FREM2: variants seen among roughly 807,000 people sequenced by gnomAD.
FREM2 encodes FRAS1 related extracellular matrix 2.
FREM2 carries 119 observed loss-of-function variants against 219.9 expected under a neutral mutation model. The observed-to-expected ratio is 0.54, with a 90% confidence interval of 0.47 to 0.63. The LOEUF (loss-of-function observed/expected upper bound fraction) is 0.63. Ranked by LOEUF, FREM2 falls within the 30% of genes least tolerant of loss-of-function variation. The probability of loss-of-function intolerance (pLI) is 0.00; values close to 1 mark genes in which losing one functional copy is unlikely to be tolerated. For missense variants in FREM2, 4,030 were observed against 3,993.6 expected (o/e 1.01, Z -0.25); for synonymous variants, 1,562 against 1,522.8 (o/e 1.03, Z -0.60).
chr13:38,837,575 A>C (rs1876762167), intron 6 of FREM2, among the ~76,000 whole-genome samples: 1 of 152,162 alleles, frequency 6.6e-6, no homozygotes, highest in Non-Finnish European at 1.5e-5. Flanking sequence ...TGGGAGTCTA[A>C]GTCTCTTTGT....
chr13:38,747,353 AT>A (rs1872525117), intron 2 of FREM2, among the ~76,000 whole-genome samples: 1 of 151,000 alleles, frequency 6.6e-6, no homozygotes, highest in Admixed American at 6.6e-5. Context: ...TCTCATAAAA[AT>A]TTTCAATTTG....
At chr13:38,735,951 C>T (rs772405814) in intron 2 of FREM2, among the ~76,000 whole-genome samples, 2 of 152,132 alleles carry the variant, frequency 1.3e-5, no homozygotes, top group Non-Finnish European at 2.9e-5. Flanking sequence ...CTGACATCCC[C>T]ATGTCTTTAG....
intron 2 of FREM2, among the ~76,000 whole-genome samples, chr13:38,713,389 C>T (rs369795287): frequency 2.3e-4 from 35 of 152,188 alleles, no homozygotes; most frequent in African/African-American, 8.2e-4. Context: ...CTATATGGCA[C>T]AAGAATGTGA....
intron 2 of FREM2, among the ~76,000 whole-genome samples, chr13:38,744,986 T>A (rs970796297): frequency 2.0e-5 from 3 of 152,330 alleles, no homozygotes; most frequent in Non-Finnish European, 4.4e-5. Flanking sequence ...ATCACCTGTT[T>A]TGCACTAGAA....
At chr13:38,744,402 C>G (rs1375435963) in intron 2 of FREM2, among the ~76,000 whole-genome samples, 1 of 151,368 alleles carries the variant, frequency 6.6e-6, no homozygotes, top group Non-Finnish European at 1.5e-5. Context: ...TGGTGTCTCA[C>G]TATGTTGACC....
In FREM2 at chr13:38,851,368, C is replaced by T. The variant is rs35944548; in HGVS notation, c.6742+260C>T. 0.11 allele frequency among the ~76,000 whole-genome samples: 16,212 copies of T among 152,260 alleles called. 1,103 individuals carry two copies. The highest frequency in any genetic ancestry group is 0.2 in the Admixed American group (3,081 of 15,286). ...CCATACTGGCCCTCTACTCTATACACACCCTTGGGTACAGGGGGACCAACA... is the reference window on the plus strand; with the variant it reads ...CCATACTGGCCCTCTACTCTATACATACCCTTGGGTACAGGGGGACCAACA... On this transcript the variant is annotated intron_variant, in intron 10 of 23. Coordinates refer to ENST00000280481, the MANE Select transcript of FREM2 (RefSeq NM_207361.6).
At chr13:38,841,245 G>T (rs535915479) in intron 6 of FREM2, among the ~76,000 whole-genome samples, 1 of 152,298 alleles carries the variant, frequency 6.6e-6, no homozygotes, top group African/African-American at 2.4e-5. Context: ...ACGCTGAAAT[G>T]AGCTAAAATA....
In FREM2 at chr13:38,687,512, G is replaced by T; in HGVS notation, c.168G>T (p.Leu56=). The stretch of plus-strand genomic sequence containing the variant: ...CCGCTGCCTTCGGCAGGGCGTTGCT[G>T]TCCCCTGGTCTCGCGGGGGCTGCAG... The part of the protein sequence containing the change: ...AQPAAFGRAL[L]SPGLAGAAGV... Residue 56 remains leucine, a synonymous_variant, in exon 1 of 24, where the codon CTG becomes CTT. Transcript: ENST00000280481. The T allele has an allele frequency of 6.3e-7, 1 of 1,596,972 alleles. No individual in the cohort carries two copies. The highest frequency in any genetic ancestry group is 1.1e-5 in the South Asian group (1 of 88,506).
rs1566102201 is a variant in FREM2, at chr13:38,688,096, C to A, written c.752C>A (p.Thr251Asn). 6.2e-7 allele frequency: 1 copy of A among 1,610,754 alleles called. No individual in the cohort carries two copies. The highest frequency in any genetic ancestry group is 8.5e-7 in the Non-Finnish European group (1 of 1,177,566). ...GGAREGGAPE[T>N]LLMDCKAFQE... ...GCCAGAGAGGGAGGCGCCCCGGAGA[C>A]TCTCCTGATGGACTGCAAAGCTTTC... The change falls in exon 1 of 24, where the codon ACT (threonine) becomes AAT (asparagine). Residue 251 changes from threonine (T) to asparagine (N), a missense_variant. Around this residue, in one of 2 missense-constraint regions of FREM2, gnomAD observed 3,102 missense variants for 2,950.7 expected, o/e 1.05. Coordinates refer to ENST00000280481, the MANE Select transcript of FREM2 (RefSeq NM_207361.6).
At chr13:38,774,902 T>C (rs188165654) in intron 4 of FREM2, among the ~76,000 whole-genome samples, 1 of 152,210 alleles carries the variant, frequency 6.6e-6, no homozygotes, top group Non-Finnish European at 1.5e-5. Context: ...CAACTTCTGA[T>C]AGAAACTGAG....
At chr13:38,878,369 C>A in intron 22 of FREM2, 48 bp downstream of exon 22, 1 of 1,378,684 alleles carries the variant, frequency 7.3e-7, no homozygotes, top group South Asian at 1.2e-5. Context: ...TTTCAAAGTT[C>A]AGCCTCCTTG....
intron 2 of FREM2, among the ~76,000 whole-genome samples, chr13:38,716,073 G>A (rs1323301095): frequency 9.2e-5 from 14 of 152,118 alleles, no homozygotes; most frequent in Non-Finnish European, 2.9e-5. Flanking sequence ...AATAGTTAAA[G>A]GGAACACTAG....
At chr13:38,831,091 G>T (rs889575147) in intron 6 of FREM2, among the ~76,000 whole-genome samples, 4 of 152,106 alleles carry the variant, frequency 2.6e-5, no homozygotes, top group Admixed American at 2.0e-4. Flanking sequence ...ACTGTAAATT[G>T]CACCTCACTG....
At chr13:38,762,445 C>CAT (rs1555265800) in intron 2 of FREM2, among the ~76,000 whole-genome samples, 3 of 149,088 alleles carry the variant, frequency 2.0e-5, no homozygotes, top group Non-Finnish European at 4.5e-5. Flanking sequence ...GCTCTCCAAT[C>CAT]TTTTTTTTTT....
intron 6 of FREM2, among the ~76,000 whole-genome samples, chr13:38,820,687 G>C (rs1876008551): frequency 6.6e-6 from 1 of 152,012 alleles, no homozygotes; most frequent in East Asian, 1.9e-4. Flanking sequence ...GAGAGGTCTG[G>C]CATATCTTTT....
chr13:38,726,749 A>G (rs540374299), intron 2 of FREM2, among the ~76,000 whole-genome samples: 15 of 152,280 alleles, frequency 9.9e-5, no homozygotes, highest in African/African-American at 3.6e-4. Context: ...TGTCTTCCCA[A>G]CCCGGTCCTG....
chr13:38,768,241 C>T (rs1873518739), intron 3 of FREM2, among the ~76,000 whole-genome samples: 1 of 152,128 alleles, frequency 6.6e-6, no homozygotes, highest in African/African-American at 2.4e-5. Context: ...AAATCTATCA[C>T]AAGACTTTAT....
chr13:38,872,684 A>G, intron 16 of FREM2, 58 bp from the exon 17 acceptor site: 1 of 1,461,014 alleles, frequency 6.8e-7, no homozygotes, highest in Non-Finnish European at 9.6e-7. Context: ...CTTGTACAAA[A>G]TTAGGCCCAC....
chr13:38,783,092 G>A lies in FREM2; in HGVS notation c.5664G>A (p.Gln1888=). 3.7e-6 allele frequency: 6 copies of A among 1,613,810 alleles called. No individual in the cohort carries two copies. The highest frequency in any genetic ancestry group is 5.1e-6 in the Non-Finnish European group (6 of 1,179,940). ...PGDEPTVFIP[Q]SKYSVEEDVG... ...TAGAGCCAACTGTGTTTATTCCCCA[G>A]TCCAAATACTCCGTTGAAGAAGATG... Residue 1888 remains glutamine (Q), a synonymous_variant, in exon 5 of 24, where the codon CAG becomes CAA. Transcript: ENST00000280481.
Sources: allele counts gnomAD v4.1 joint callset (sites outside exome capture counted in the v4.1 genomes callset), GRCh38; gene constraint gnomAD v4.1.1; regional missense constraint gnomAD v4.1.1; transcripts MANE v1.5; gene names NCBI Gene and HGNC (gene_info 2026-07-23, HGNC 2026-07-21).